EPS8: variants seen among roughly 807,000 people sequenced by gnomAD.
The protein encoded by EPS8 is EGFR pathway substrate 8, signaling adaptor.
In EPS8, 42 loss-of-function variants were observed where a neutral mutation model predicts 103.8. The observed-to-expected ratio is 0.40, with a 90% CI of 0.32 to 0.52. EPS8 has a LOEUF of 0.52. Ranked by LOEUF, EPS8 falls within the 20% of genes least tolerant of loss-of-function variation. EPS8 has a pLI of 0.40. For missense variants in EPS8, 969 were observed against 1,005.1 expected (o/e 0.96, Z 0.49); for synonymous variants, 344 against 344.6 (o/e 1.00, Z 0.02).
intron 1 of EPS8, among the ~76,000 whole-genome samples, chr12:15,705,117 T>C (rs923157179): frequency 6.6e-6 from 1 of 152,212 alleles, no homozygotes; most frequent in Non-Finnish European, 1.5e-5. Context: ...GGTCTAGTTT[T>C]ATACCAACTC....
intron 17 of EPS8, among the ~76,000 whole-genome samples, chr12:15,633,350 T>C (rs1409278298): frequency 1.3e-5 from 2 of 152,226 alleles, no homozygotes; most frequent in Non-Finnish European, 2.9e-5. Context: ...GAATGTCCTC[T>C]GCACGTAATT....
At position 15,695,673 on chromosome 12, in the gene EPS8, A is replaced by C. The variant is rs1414581352; in HGVS notation, c.-21-12701T>G. Among the ~76,000 whole-genome samples, 2 of 152,152 alleles carry C rather than the reference A, an allele frequency of 1.3e-5. No individual in the cohort carries two copies. Among genetic ancestry groups the C allele is most frequent in the Non-Finnish European group, 2.9e-5 (2 of 68,024 alleles). ...GGAGCTTACAATCTAGAGGGAGGAG[A>C]GCATGAAATAAGAAAATGAGGCAGG... On this transcript the variant is annotated intron_variant, in intron 1 of 20. Transcript: ENST00000281172. This position sits in a 1 kb window ranked among gnomAD's most constrained non-coding sequence, Gnocchi z 5.0.
In EPS8 at chr12:15,698,108, G is replaced by T. The variant is rs1417425765; in HGVS notation, c.-21-15136C>A. On this transcript the variant is annotated intron_variant, in intron 1 of 20. Transcript: ENST00000281172. The surrounding 1 kb of genome is among the most constrained non-coding windows in gnomAD (Gnocchi z 4.9). ...TGGGGACATATGAATGATTATGAAA[G>T]AAATATGTATTTTAAAAGGCTTTCT... Among the ~76,000 whole-genome samples, 3 of 152,018 alleles carry T rather than the reference G, an allele frequency of 2.0e-5. No homozygotes were observed. Among genetic ancestry groups the T allele is most frequent in the African/African-American group, 7.2e-5 (3 of 41,400 alleles).
chr12:15,691,363 AGGTC>A (rs1946169527), intron 1 of EPS8, among the ~76,000 whole-genome samples: 3 of 152,018 alleles, frequency 2.0e-5, no homozygotes, highest in Admixed American at 1.3e-4. Context: ...CAACATAGTA[AGGTC>A]CCATTTCTAC....
intron 18 of EPS8, among the ~76,000 whole-genome samples, chr12:15,626,853 C>G (rs1030394569): frequency 6.6e-6 from 1 of 152,044 alleles, no homozygotes; most frequent in Non-Finnish European, 1.5e-5. Context: ...AATGCTTTCC[C>G]CCGCATCTCC....
chr12:15,659,636 A>G (rs1591828325), intron 10 of EPS8, among the ~76,000 whole-genome samples: 1 of 152,318 alleles, frequency 6.6e-6, no homozygotes, highest in East Asian at 1.9e-4. Flanking sequence ...CAAAGGTCAT[A>G]TGCTCATTAT....
Position 15,767,446 on chromosome 12 carries a change from G to A in EPS8, c.-22+21715C>T, listed in dbSNP as rs567563063. 9.2e-5 allele frequency among the ~76,000 whole-genome samples: 14 copies of A among 152,250 alleles called. No homozygotes were observed. Among genetic ancestry groups the A allele is most frequent in the African/African-American group, 3.4e-4 (14 of 41,570 alleles). On this transcript the variant is annotated intron_variant, in intron 1 of 20. Transcript: ENST00000281172. The surrounding 1 kb of genome is among the most constrained non-coding windows in gnomAD (Gnocchi z 5.5). The stretch of plus-strand genomic sequence containing the variant: ...AACAGGTTGCACACAGAAAAAAGCC[G>A]TTAAATGACACAGTGGCATAAAATG...
rs2135932858 is a variant in EPS8 at position 15,698,855 on chromosome 12, G to A, written c.-21-15883C>T. On this transcript the variant is annotated intron_variant, in intron 1 of 20. Transcript: ENST00000281172. This position sits in a 1 kb window ranked among gnomAD's most constrained non-coding sequence, Gnocchi z 4.9. ...CACATGACTGCTTCCCCATTATGAAGGAAATAGAATAAAACAATGTAGCAT... is the reference window on the plus strand; with the variant it reads ...CACATGACTGCTTCCCCATTATGAAAGAAATAGAATAAAACAATGTAGCAT... 6.6e-6 allele frequency among the ~76,000 whole-genome samples: 1 copy of A among 152,174 alleles called. No homozygotes were observed. Among genetic ancestry groups the A allele is most frequent in the South Asian group, 2.1e-4 (1 of 4,818 alleles).
intron 18 of EPS8, among the ~76,000 whole-genome samples, chr12:15,626,142 T>C (rs1013473000): frequency 2.0e-5 from 3 of 152,200 alleles, no homozygotes; most frequent in African/African-American, 7.2e-5. Flanking sequence ...TCCTGTCCTA[T>C]ACTACATCCA....
rs1176174379 is a variant in EPS8 at position 15,760,719 on chromosome 12, T to C, written c.-22+28442A>G. Reference sequence around the variant, plus strand: ...AAAACCATATAATCATATCAATTGATGCCAAAAATGCATTTGATTAAATTT... The same window carrying C: ...AAAACCATATAATCATATCAATTGACGCCAAAAATGCATTTGATTAAATTT... On this transcript the variant is annotated intron_variant, in intron 1 of 20. Coordinates refer to ENST00000281172, the MANE Select transcript of EPS8 (RefSeq NM_004447.6). This position sits in a 1 kb window ranked among gnomAD's most constrained non-coding sequence, Gnocchi z 4.5. Among the ~76,000 whole-genome samples the C allele has an allele frequency of 6.6e-6, 1 of 152,102 alleles. No homozygotes were observed. Among genetic ancestry groups the C allele is most frequent in the Non-Finnish European group, 1.5e-5 (1 of 67,966 alleles).
chr12:15,750,269 T>A (rs1014179694), intron 1 of EPS8, among the ~76,000 whole-genome samples: 1 of 152,168 alleles, frequency 6.6e-6, no homozygotes, highest in Admixed American at 6.5e-5. Flanking sequence ...CAGACATACA[T>A]GCACATGCAC....
rs1041871004 is a variant in EPS8, at chr12:15,714,084, CCAAAACAAAA to C, written c.-21-31122_-21-31113del. Among the ~76,000 whole-genome samples the C allele has an allele frequency of 6.6e-6, 1 of 151,708 alleles. No individual in the cohort carries two copies. Among genetic ancestry groups the C allele is most frequent in the African/African-American group, 2.4e-5 (1 of 41,314 alleles). On this transcript the variant is annotated intron_variant, in intron 1 of 20. Coordinates refer to ENST00000281172, the MANE Select transcript of EPS8 (RefSeq NM_004447.6). This position sits in a 1 kb window ranked among gnomAD's most constrained non-coding sequence, Gnocchi z 4.1. ...GATTTCTTTGGGTAGAAAAACCAAA[CCAAAACAAAA>C]CAAAACAAAAAACAATCCCCAATGA...
chr12:15,663,777 C>T (rs866875578), intron 8 of EPS8, among the ~76,000 whole-genome samples: 6 of 150,878 alleles, frequency 4.0e-5, no homozygotes, highest in South Asian at 4.2e-4. Context: ...ACAAAATTAG[C>T]CAGGTATGGT....
Position 15,716,529 on chromosome 12 carries a change from G to C in EPS8, c.-21-33557C>G, listed in dbSNP as rs1242276798. 6.6e-6 allele frequency among the ~76,000 whole-genome samples: 1 copy of C among 152,074 alleles called. No individual in the cohort carries two copies. The highest frequency in any genetic ancestry group is 1.5e-5 in the Non-Finnish European group (1 of 68,014). ...CTGATTCCTTCAGTTTTCTATGATA[G>C]GGCAGTTTACCAGAAGTAGTCACAG... On this transcript the variant is annotated intron_variant, in intron 1 of 20. Coordinates refer to ENST00000281172, the MANE Select transcript of EPS8 (RefSeq NM_004447.6). This position sits in a 1 kb window ranked among gnomAD's most constrained non-coding sequence, Gnocchi z 5.0.
rs2136027341 is a variant in EPS8, at chr12:15,758,286, AC to A, written c.-22+30874del. Among the ~76,000 whole-genome samples, 4 of 152,340 alleles carry A rather than the reference AC, an allele frequency of 2.6e-5. No individual in the cohort carries two copies. The South Asian group carries it at 8.3e-4, about 32-fold the overall frequency. On this transcript the variant is annotated intron_variant, in intron 1 of 20. Transcript: ENST00000281172. ...CTTAGTGTAGCTAGTTTTGAAAGAT[AC>A]AATCTGCCACAACCTGAATCTAATC... is the stretch of plus-strand genomic sequence containing the variant.
chr12:15,639,127 G>T, intron 17 of EPS8, among the ~76,000 whole-genome samples: 1 of 152,034 alleles, frequency 6.6e-6, no homozygotes, highest in East Asian at 1.9e-4. Flanking sequence ...TCACATATGG[G>T]GATCAGGGAT....
At chr12:15,628,708 T>C (rs996099634) in intron 18 of EPS8, among the ~76,000 whole-genome samples, 1 of 152,214 alleles carries the variant, frequency 6.6e-6, no homozygotes, top group Admixed American at 6.5e-5. Context: ...AACAGGCATG[T>C]TGGCTTTTTT....
rs147566321 is a variant in EPS8 at position 15,749,543 on chromosome 12, C to T, written c.-22+39618G>A. Among the ~76,000 whole-genome samples the T allele has an allele frequency of 6.6e-4, 101 of 152,246 alleles. 1 individual carries two copies. The highest frequency in any genetic ancestry group is 6.8e-3 in the Middle Eastern group (2 of 294). On this transcript the variant is annotated intron_variant, in intron 1 of 20. Transcript: ENST00000281172. The surrounding 1 kb of genome is among the most constrained non-coding windows in gnomAD (Gnocchi z 4.0). ...AATAATCTCCTTACAAGAAAACACA[C>T]GCCTTTTGTTTATCTTCTTCACTCT...
chr12:15,667,394 A>G (rs937461877), intron 6 of EPS8, among the ~76,000 whole-genome samples: 1 of 152,204 alleles, frequency 6.6e-6, no homozygotes, highest in Non-Finnish European at 1.5e-5. Flanking sequence ...TCACATTGCT[A>G]GTTAAATGAG....
Sources: gnomAD v4.1 joint callset for allele counts (sites outside exome capture counted in the v4.1 genomes callset) on GRCh38, gnomAD v4.1.1 for gene constraint, Gnocchi (gnomAD v3.1) non-coding constraint, MANE v1.5 for transcripts, NCBI Gene and HGNC (gene_info 2026-07-23, HGNC 2026-07-21) for gene names.